MANSC4: variants seen among roughly 807,000 people sequenced by gnomAD.
MANSC4 encodes the protein MANSC domain containing 4, also known as MANSC domain-containing protein 4.
MANSC4 carries 11 observed loss-of-function variants against 11.4 expected under a neutral mutation model. The ratio of observed to expected loss-of-function variants is 0.97; its 90% CI spans 0.61 to 1.60. The LOEUF is 1.60. Among genes scored for constraint, MANSC4 ranks in the 40% most tolerant of loss-of-function variants. MANSC4 has a pLI of 0.00. For synonymous variants in MANSC4, 123 were observed against 147.1 expected (o/e 0.84, Z 1.19); for missense variants, 354 against 404.6 (o/e 0.88, Z 1.07).
At chr12:27,770,060 TATTTGAC>T (rs1285801622) in intron 2 of MANSC4, among the ~76,000 whole-genome samples, 2 of 152,168 alleles carry the variant, frequency 1.3e-5, no homozygotes, top group Non-Finnish European at 2.9e-5. Flanking sequence ...TTGGGGCGGG[TATTTGAC>T]ATATATCTCC....
Position 27,763,076 on chromosome 12 carries a change from T to C in MANSC4, c.685A>G (p.Asn229Asp). The C allele has an allele frequency of 6.4e-7, 1 of 1,551,736 alleles. No individual in the cohort carries two copies. The highest frequency in any genetic ancestry group is 8.7e-7 in the Non-Finnish European group (1 of 1,146,994). The change falls in exon 4 of 4, where the codon AAT (asparagine) becomes GAT (aspartate). Residue 229 changes from asparagine to aspartate, a missense_variant. Coordinates refer to ENST00000381273, the MANE Select transcript of MANSC4 (RefSeq NM_001146221.5). ...TCAAAGAAAGGAGAAATAGTCTTAT[T>C]ATCTGGATTGCTGATGAAATCAGTA... Reference protein sequence around the residue: ...PSTDFISNPDNKTISPFFEPI... With the variant: ...PSTDFISNPDDKTISPFFEPI...
chr12:27,768,072 G>A (rs577659328), intron 2 of MANSC4, among the ~76,000 whole-genome samples: 6 of 152,276 alleles, frequency 3.9e-5, no homozygotes, highest in Admixed American at 3.9e-4. Flanking sequence ...GGCTCATGCT[G>A]TCTTTCCTTT....
In MANSC4 at chr12:27,763,247, CTG is replaced by C. The variant is rs1441364907; in HGVS notation, c.512_513del (p.Thr171ArgfsTer22). 3.2e-6 allele frequency: 5 copies of C among 1,551,576 alleles called. No homozygotes were observed. The African/African-American group carries it at 5.5e-5, about 17-fold the overall frequency. ...TGATGCGTGGTTGAGGATGGAGCCT[CTG>C]TGGATGGCAGCATACCATTTATCGT... ...TTTINGMLPS[T>X]EAPSSTTHQD... On this transcript the variant is annotated frameshift_variant, in exon 4 of 4. Coordinates refer to ENST00000381273, the MANE Select transcript of MANSC4 (RefSeq NM_001146221.5). LOFTEE classifies it low-confidence loss of function (END_TRUNC).
At chr12:27,774,829 C>A (rs1471678590) in intron 1 of MANSC4, among the ~76,000 whole-genome samples, 1 of 152,072 alleles carries the variant, frequency 6.6e-6, no homozygotes, top group Non-Finnish European at 1.5e-5. Flanking sequence ...CGAGACCATG[C>A]TGGCTAACAT....
intron 1 of MANSC4, among the ~76,000 whole-genome samples, chr12:27,772,534 AGTT>A (rs1307085360): frequency 6.6e-6 from 1 of 152,246 alleles, no homozygotes. Context: ...AAAGGAAAGT[AGTT>A]AAGACTGAAT....
intron 1 of MANSC4, among the ~76,000 whole-genome samples, chr12:27,777,139 T>G (rs561258096): frequency 6.6e-6 from 1 of 152,234 alleles, no homozygotes; most frequent in Non-Finnish European, 1.5e-5. Flanking sequence ...CCAGACTCCC[T>G]GTCCAACCTC....
chr12:27,775,304 C>T (rs946181573), intron 1 of MANSC4, among the ~76,000 whole-genome samples: 4 of 152,052 alleles, frequency 2.6e-5, no homozygotes, highest in East Asian at 3.9e-4. Context: ...TTGGCTGGTG[C>T]GGTGGCTCAC....
intron 1 of MANSC4, among the ~76,000 whole-genome samples, chr12:27,772,471 C>A (rs1185958786): frequency 6.6e-6 from 1 of 152,142 alleles, no homozygotes; most frequent in Non-Finnish European, 1.5e-5. Flanking sequence ...AATAGTCAAT[C>A]TAGTTATTAC....
Position 27,763,244 on chromosome 12 carries a change from C to G in MANSC4, c.517G>C (p.Ala173Pro). Residue 173 changes from alanine to proline, a missense_variant, in exon 4 of 4, where the codon GCT becomes CCT. By Grantham distance (27) the Ala-to-Pro change is conservative. Transcript: ENST00000381273. The part of the protein sequence containing the change: ...TINGMLPSTE[A>P]PSSTTHQDLV... The stretch of plus-strand genomic sequence containing the variant: ...TCTTGATGCGTGGTTGAGGATGGAG[C>G]CTCTGTGGATGGCAGCATACCATTT... The G allele has an allele frequency of 1.3e-6, 2 of 1,551,606 alleles. No homozygotes were observed. The highest frequency in any genetic ancestry group is 1.7e-6 in the Non-Finnish European group (2 of 1,146,998).
intron 1 of MANSC4, among the ~76,000 whole-genome samples, 72 bp from the exon 2 acceptor site, chr12:27,771,654 C>G (rs2062101540): frequency 1.3e-5 from 2 of 152,160 alleles, no homozygotes; most frequent in South Asian, 4.1e-4. Flanking sequence ...AGTCAAGAGG[C>G]TTTCTGAGGG....
rs1322059886 is a variant in MANSC4, at chr12:27,771,336, T to TGGAGTTTA, written c.-68_-61dup. On this transcript the variant is annotated 5_prime_UTR_variant, in exon 2 of 4. Transcript: ENST00000381273. The stretch of plus-strand genomic sequence containing the variant: ...TGATTTCCAGACAGAAGCTGAACAC[T>TGGAGTTTA]GGAGTTTAGGACAGTCTCTGGAACG... 6.9e-7 allele frequency: 1 copy of TGGAGTTTA among 1,441,762 alleles called. No individual in the cohort carries two copies. The highest frequency in any genetic ancestry group is 1.4e-5 in the African/African-American group (1 of 70,652). 89.3% of individuals were successfully genotyped at this position (1,441,762 alleles called of 1,614,324 possible). A position where few individuals can be genotyped will look rare whatever the true frequency, so the allele number is the denominator to read the frequency against.
Position 27,771,379 on chromosome 12 carries a change from G to A in MANSC4, c.-103C>T, listed in dbSNP as rs2140802678. The A allele has an allele frequency of 1.0e-6, 1 of 999,122 alleles. No individual in the cohort carries two copies. Among genetic ancestry groups the A allele is most frequent in the Non-Finnish European group, 1.5e-6 (1 of 689,480 alleles). The allele number at this position is 999,122 out of a possible 1,614,324, so 61.9% of individuals were successfully genotyped here. On this transcript the variant is annotated 5_prime_UTR_variant, in exon 2 of 4. Transcript: ENST00000381273. ...CTGGAACGTCAGAGGTGTTGTTAAG[G>A]GAGAGCTTCCTTGCAGCTTTTCTGG...
rs2062054384 is a variant in MANSC4 at position 27,763,002 on chromosome 12, G to C, written c.759C>G (p.Asn253Lys). The C allele has an allele frequency of 7.7e-6, 12 of 1,551,752 alleles. No homozygotes were observed. The highest frequency in any genetic ancestry group is 9.6e-6 in the Non-Finnish European group (11 of 1,147,024). ...TTTTGTTTAGTAATTGTTTGCTACT[G>C]TTGAGTCCAGGTGGAACAGGCATAT... is the stretch of plus-strand genomic sequence containing the variant. ...LSHMPVPPGL[N>K]SSKQLLNKTK... The change falls in exon 4 of 4, where the codon AAC (asparagine) becomes AAG (lysine). Residue 253 changes from asparagine (N) to lysine (K), a missense_variant. Coordinates refer to ENST00000381273, the MANE Select transcript of MANSC4 (RefSeq NM_001146221.5).
intron 1 of MANSC4, among the ~76,000 whole-genome samples, chr12:27,771,880 CT>C (rs778669113): frequency 6.6e-6 from 1 of 151,724 alleles, no homozygotes; most frequent in East Asian, 1.9e-4. Context: ...TTCATTCTTA[CT>C]TAAAAAAAAA....
At chr12:27,777,418 A>G (rs756977678) in intron 1 of MANSC4, among the ~76,000 whole-genome samples, 3 of 152,188 alleles carry the variant, frequency 2.0e-5, no homozygotes, top group African/African-American at 7.2e-5. Flanking sequence ...TCTTTGATAC[A>G]GGGGACGCAT....
At position 27,763,128 on chromosome 12, in the gene MANSC4, G is replaced by A. The variant is rs1194748392; in HGVS notation, c.633C>T (p.Thr211=). The A allele has an allele frequency of 2.6e-6, 4 of 1,551,672 alleles. No homozygotes were observed. The South Asian group carries it at 3.6e-5, about 14-fold the overall frequency. The change falls in exon 4 of 4, where the codon ACC becomes ACT. Residue 211 remains threonine (T), a synonymous_variant. Coordinates refer to ENST00000381273, the MANE Select transcript of MANSC4 (RefSeq NM_001146221.5). ...TTGGTGACACCTTATTTATCTTTGT[G>A]GTAATGGACTCATTCAGGGAAGTAA... ...ARFTSLNESI[T]TKINKVSPST...
intron 3 of MANSC4, 123 bp from the exon 4 acceptor site, chr12:27,763,519 T>A: frequency 3.7e-6 from 3 of 807,360 alleles, no homozygotes; most frequent in Non-Finnish European, 5.8e-6. Context: ...TAAATTCACG[T>A]TCTACTACCA....
At position 27,775,066 on chromosome 12, in the gene MANSC4, A is replaced by C. The variant is rs142204004; in HGVS notation, c.-306-3484T>G. ...AAATAAATAAATAAATAAATAAATA[A>C]ATAAGATTACTTTCCTTGTAAAGGT... On this transcript the variant is annotated intron_variant, in intron 1 of 3. Coordinates refer to ENST00000381273, the MANE Select transcript of MANSC4 (RefSeq NM_001146221.5). 6.0e-4 allele frequency among the ~76,000 whole-genome samples: 88 copies of C among 146,242 alleles called. No individual in the cohort carries two copies. The East Asian group carries it at 0.012, about 20-fold the overall frequency.
In MANSC4 at chr12:27,762,638, A is replaced by T; in HGVS notation, c.*100T>A. Reference sequence around the variant, plus strand: ...AGTTTTGGGATTACAGGCATGAACCACCACGCCCAGCCTATTTTTTTTTTT... The same window carrying T: ...AGTTTTGGGATTACAGGCATGAACCTCCACGCCCAGCCTATTTTTTTTTTT... On this transcript the variant is annotated 3_prime_UTR_variant, in exon 4 of 4. Transcript: ENST00000381273. The T allele has an allele frequency of 8.3e-7, 1 of 1,211,028 alleles. No individual in the cohort carries two copies. The highest frequency in any genetic ancestry group is 1.1e-6 in the Non-Finnish European group (1 of 897,964). 75.0% of individuals were successfully genotyped at this position (1,211,028 alleles called of 1,614,324 possible).
Sources: allele counts gnomAD v4.1 joint callset (sites outside exome capture counted in the v4.1 genomes callset), GRCh38; gene constraint gnomAD v4.1.1; transcripts MANE v1.5; gene names NCBI Gene and HGNC (gene_info 2026-07-23, HGNC 2026-07-21).